The following FOXN3 variants were observed in gnomAD, a reference collection of about 807,000 sequenced individuals.
The protein encoded by FOXN3 is forkhead box protein N3.
FOXN3 carries 7 observed loss-of-function variants against 38.4 expected under a neutral mutation model. The observed-to-expected ratio is 0.18, with a 90% CI of 0.10 to 0.34. The LOEUF is 0.34. Among genes scored for constraint, FOXN3 ranks in the 10% least tolerant of loss-of-function variants. FOXN3 has a pLI of 1.00. For missense variants in FOXN3, 456 were observed against 613.4 expected, an observed-to-expected ratio of 0.74 and a Z score of 2.71; for synonymous variants, 230 against 242.2, an observed-to-expected ratio of 0.95 and a Z score of 0.47.
At chr14:89,389,773 C>T (rs1029236397) in intron 2 of FOXN3, among the ~76,000 whole-genome samples, 4 of 152,164 alleles carry the variant, frequency 2.6e-5, no homozygotes, top group Non-Finnish European at 5.9e-5. Context: ...CTTAGCAAAT[C>T]CACCAGTCAT....
At chr14:89,356,877 T>C (rs540570722) in intron 2 of FOXN3, among the ~76,000 whole-genome samples, 14 of 152,238 alleles carry the variant, frequency 9.2e-5, no homozygotes, top group Admixed American at 4.6e-4. Context: ...TAATACCTGC[T>C]AGGAAGGAAA....
chr14:89,430,702 T>C (rs2140113370), intron 1 of FOXN3, among the ~76,000 whole-genome samples: 1 of 152,352 alleles, frequency 6.6e-6, no homozygotes, highest in Non-Finnish European at 1.5e-5. Context: ...CCCAAATAAG[T>C]ACTTCCGTTA....
intron 2 of FOXN3, among the ~76,000 whole-genome samples, chr14:89,362,523 T>C (rs182861343): frequency 0.02 from 2 of 98 alleles, no homozygotes; most frequent in Non-Finnish European, 0.056. Context: ...CCACCATCTC[T>C]ACGACCACCA....
Position 89,614,843 on chromosome 14 carries a change from G to C in FOXN3, c.-15+4185C>G, listed in dbSNP as rs181090341. Among the ~76,000 whole-genome samples, 6 of 152,330 alleles carry C rather than the reference G, an allele frequency of 3.9e-5. No homozygotes were observed. In the East Asian group the frequency reaches 1.2e-3, roughly 29 times the overall value. ...TGAAAATGTGTGCAAACCATTGCAA[G>C]AAATGGTTCCGTCTCCCTCAGGCAC... On this transcript the variant is annotated intron_variant, in intron 1 of 6. Coordinates refer to the FOXN3 transcript ENST00000345097.
intron 1 of FOXN3, among the ~76,000 whole-genome samples, chr14:89,560,055 G>A (rs1486411197): frequency 1.3e-5 from 2 of 152,184 alleles, no homozygotes; most frequent in East Asian, 1.9e-4. Flanking sequence ...CAGGAAGCAT[G>A]GCTGGGGAGG....
intron 3 of FOXN3, chr14:89,291,570 C>A (rs1376853163): frequency 1.8e-6 from 1 of 555,302 alleles, no homozygotes. Flanking sequence ...TCCAGTCTTT[C>A]CAGCAGTCCC....
At chr14:89,557,092 A>G (rs1191554935) in intron 1 of FOXN3, among the ~76,000 whole-genome samples, 2 of 152,216 alleles carry the variant, frequency 1.3e-5, no homozygotes, top group Admixed American at 6.5e-5. Flanking sequence ...ATTGGAGCTC[A>G]GATCCAAAAC....
chr14:89,615,528 C>T (rs983908282), intron 1 of FOXN3, among the ~76,000 whole-genome samples: 4 of 152,112 alleles, frequency 2.6e-5, no homozygotes, highest in Admixed American at 6.5e-5. Flanking sequence ...CCTTTCGAAA[C>T]GAAGTGTTCT....
chr14:89,369,191 C>T (rs2140054030), intron 2 of FOXN3, among the ~76,000 whole-genome samples: 1 of 152,308 alleles, frequency 6.6e-6, no homozygotes, highest in South Asian at 2.1e-4. Flanking sequence ...CAAAAACAGC[C>T]AGCTTTTGAT....
chr14:89,261,836 G>A (rs1885812989), intron 4 of FOXN3, among the ~76,000 whole-genome samples: 1 of 152,234 alleles, frequency 6.6e-6, no homozygotes, highest in Non-Finnish European at 1.5e-5. Context: ...GCTGAGGCAG[G>A]AGAATGGTAT....
Position 89,271,843 on chromosome 14 carries a change from G to C in FOXN3, c.745+9107C>G, listed in dbSNP as rs117518980. 2.8e-4 allele frequency among the ~76,000 whole-genome samples: 42 copies of C among 152,284 alleles called. 1 individual carries two copies. In the East Asian group the frequency reaches 5.2e-3, roughly 19 times the overall value. Reference sequence around the variant, plus strand: ...CAGCCCTAGTCTGCAAAACACTGTAGAACACCCAAATATCTAAAGTAGAAA... The same window carrying C: ...CAGCCCTAGTCTGCAAAACACTGTACAACACCCAAATATCTAAAGTAGAAA... On this transcript the variant is annotated intron_variant, in intron 4 of 5. Coordinates refer to ENST00000557258, the MANE Select transcript of FOXN3 (RefSeq NM_005197.4).
chr14:89,166,393 G>A (rs955162665), intron 5 of FOXN3, among the ~76,000 whole-genome samples: 4 of 152,082 alleles, frequency 2.6e-5, no homozygotes, highest in African/African-American at 7.2e-5. Flanking sequence ...CAGAGTTTCC[G>A]GTACCACCTA....
intron 4 of FOXN3, among the ~76,000 whole-genome samples, chr14:89,226,727 G>C (rs1444181558): frequency 6.6e-6 from 1 of 152,184 alleles, no homozygotes; most frequent in Non-Finnish European, 1.5e-5. Flanking sequence ...AAATAGTTAA[G>C]ATGGTCATAC....
chr14:89,367,126 G>A (rs969939047), intron 2 of FOXN3, among the ~76,000 whole-genome samples: 9 of 152,144 alleles, frequency 5.9e-5, no homozygotes, highest in Non-Finnish European at 8.8e-5. Context: ...TTCTTGCGGA[G>A]TGGCCATTGG....
intron 1 of FOXN3, among the ~76,000 whole-genome samples, chr14:89,436,039 C>A (rs1347289572): frequency 6.7e-6 from 1 of 150,370 alleles, no homozygotes; most frequent in African/African-American, 2.4e-5. Context: ...TAGGGTCTTG[C>A]TATGTTGCCC....
At chr14:89,251,252 C>G (rs967878568) in intron 4 of FOXN3, among the ~76,000 whole-genome samples, 4 of 152,204 alleles carry the variant, frequency 2.6e-5, no homozygotes, top group African/African-American at 9.6e-5. Context: ...CCTACAGCCA[C>G]AGCACACCCA....
chr14:89,303,339 C>T (rs768943207), intron 3 of FOXN3, among the ~76,000 whole-genome samples: 19 of 151,984 alleles, frequency 1.3e-4, no homozygotes, highest in Non-Finnish European at 2.6e-4. Flanking sequence ...GAGAGCAGAT[C>T]CTATCTGTCT....
At chr14:89,428,036 G>A (rs1892077939) in intron 1 of FOXN3, among the ~76,000 whole-genome samples, 1 of 152,032 alleles carries the variant, frequency 6.6e-6, no homozygotes, top group Non-Finnish European at 1.5e-5. Flanking sequence ...GTCTGCCAAA[G>A]TCTTATCCAC....
chr14:89,397,417 T>C (rs975529771), intron 2 of FOXN3, among the ~76,000 whole-genome samples: 1 of 144,240 alleles, frequency 6.9e-6, no homozygotes, highest in African/African-American at 2.6e-5. Context: ...CCTGCACATG[T>C]ACCCCCAAAC....
Sources: allele counts gnomAD v4.1 joint callset (sites outside exome capture counted in the v4.1 genomes callset), GRCh38; gene constraint gnomAD v4.1.1; transcripts MANE v1.5; gene names NCBI Gene and HGNC (gene_info 2026-07-23, HGNC 2026-07-21).